INTS6: variants seen among roughly 807,000 people sequenced by gnomAD.
INTS6 encodes the protein integrator complex subunit 6, also known as DEAD box protein.
In INTS6, 16 loss-of-function variants were observed where a neutral mutation model predicts 104.9. The observed-to-expected ratio is 0.15, with a 90% CI of 0.10 to 0.23. The LOEUF is 0.23. Ranked by LOEUF, INTS6 falls within the 10% of genes least tolerant of loss-of-function variation. The probability of loss-of-function intolerance (pLI) is 1.00; values close to 1 mark genes in which losing one functional copy is unlikely to be tolerated. For missense variants in INTS6, 584 were observed against 1,062.8 expected, an observed-to-expected ratio of 0.55 and a Z score of 6.26; for synonymous variants, 324 against 358.7, an observed-to-expected ratio of 0.90 and a Z score of 1.09.
chr13:51,359,468 A>C (rs867839647), downstream of INTS6, among the ~76,000 whole-genome samples: 1 of 152,110 alleles, frequency 6.6e-6, no homozygotes, highest in Non-Finnish European at 1.5e-5. Flanking sequence ...ATAAATGTCA[A>C]TTATTGGACC....
chr13:51,364,351 A>T lies in INTS6; in HGVS notation c.*1401T>A. ...ATAATTTCATTTTGCTATACCCTTG[A>T]AATTTAAAAAAATGTCTGATAAAGT... On this transcript the variant is annotated 3_prime_UTR_variant, in exon 18 of 18. Transcript: ENST00000311234. 1 of 821,578 alleles carries T rather than the reference A, an allele frequency of 1.2e-6. No homozygotes were observed. Among genetic ancestry groups the T allele is most frequent in the Non-Finnish European group, 1.8e-6 (1 of 545,986 alleles). 50.9% of individuals were successfully genotyped at this position (821,578 alleles called of 1,614,324 possible).
At position 51,364,813 on chromosome 13, in the gene INTS6, A is replaced by AT. The variant is rs1955654558; in HGVS notation, c.*938dup. 1.3e-5 allele frequency: 2 copies of AT among 152,336 alleles called. No individual in the cohort carries two copies. The highest frequency in any genetic ancestry group is 4.8e-5 in the African/African-American group (2 of 41,428). 9.4% of individuals were successfully genotyped at this position (152,336 alleles called of 1,614,324 possible). A position where few individuals can be genotyped will look rare whatever the true frequency, so the allele number is the denominator to read the frequency against. On this transcript the variant is annotated 3_prime_UTR_variant, in exon 18 of 18. Transcript: ENST00000311234. ...GGCATGAAGCTGCTAAAGGCTAGATATTTCAGAGCATGTACTGTACTCCAA... is the reference window on the plus strand; with the variant it reads ...GGCATGAAGCTGCTAAAGGCTAGATATTTTCAGAGCATGTACTGTACTCCAA...
chr13:51,360,563 A>G (rs536192022), downstream of INTS6, among the ~76,000 whole-genome samples: 196 of 152,206 alleles, frequency 1.3e-3, 1 homozygote, highest in Middle Eastern at 3.4e-3. Context: ...CAATTCCTCT[A>G]AATTATCACT....
downstream of INTS6, among the ~76,000 whole-genome samples, chr13:51,360,544 A>G (rs1801617713): frequency 1.3e-5 from 2 of 152,226 alleles, no homozygotes; most frequent in Admixed American, 6.6e-5. Context: ...TTAGCTTACA[A>G]AAATCAGCCA....
At position 51,355,844 on chromosome 13, in the gene INTS6, T is replaced by C. The variant is rs180677976; in HGVS notation, n.431-1508A>G. Reference sequence around the variant, plus strand: ...ACTATTGCCAACTCAAAGGCTCAGGTTTGTTTCTACTCTGGATAGTAAATT... The same window carrying C: ...ACTATTGCCAACTCAAAGGCTCAGGCTTGTTTCTACTCTGGATAGTAAATT... On this transcript the variant is annotated intron_variant and non_coding_transcript_variant, in intron 3 of 3. Transcript: ENST00000476666. 1.4e-4 allele frequency among the ~76,000 whole-genome samples: 21 copies of C among 152,296 alleles called. No homozygotes were observed. The East Asian group carries it at 3.9e-3, about 28-fold the overall frequency.
chr13:51,364,533 A>T lies in INTS6; in HGVS notation c.*1219T>A, dbSNP rs1177926059. The T allele has an allele frequency of 8.2e-6, 3 of 365,106 alleles. No individual in the cohort carries two copies. The highest frequency in any genetic ancestry group is 2.1e-5 in the African/African-American group (1 of 47,350). 22.6% of individuals were successfully genotyped at this position (365,106 alleles called of 1,614,324 possible). ...CAAACCACTAAAAGGCACAGCAGTGATCATGAATGGTGAGTGAGTCAGGCC... is the reference window on the plus strand; with the variant it reads ...CAAACCACTAAAAGGCACAGCAGTGTTCATGAATGGTGAGTGAGTCAGGCC... On this transcript the variant is annotated 3_prime_UTR_variant, in exon 18 of 18. Transcript: ENST00000311234.
At chr13:51,394,022 A>C (rs1188318018) in intron 5 of INTS6, among the ~76,000 whole-genome samples, 1 of 151,434 alleles carries the variant, frequency 6.6e-6, no homozygotes, top group Non-Finnish European at 1.5e-5. Flanking sequence ...TAAAATCCCC[A>C]GAGTTTAAAA....
At chr13:51,424,100 T>C (rs1416532259) in intron 4 of INTS6, among the ~76,000 whole-genome samples, 3 of 152,068 alleles carry the variant, frequency 2.0e-5, no homozygotes, top group South Asian at 4.1e-4. Flanking sequence ...AGAGCTAGAA[T>C]TGGATAATAG....
rs1955587407 is a variant in INTS6 at position 51,361,996 on chromosome 13, AG to A, written c.*3755del. The A allele has an allele frequency of 6.2e-7, 1 of 1,610,158 alleles. No individual in the cohort carries two copies. The highest frequency in any genetic ancestry group is 1.3e-5 in the African/African-American group (1 of 74,640). The stretch of plus-strand genomic sequence containing the variant: ...CCCCTCAAAAATAAGCATTCTTTCT[AG>A]CTGTTTTTATGGTGCTTCAGAAGCT... On this transcript the variant is annotated 3_prime_UTR_variant, in exon 18 of 18. Coordinates refer to ENST00000311234, the MANE Select transcript of INTS6 (RefSeq NM_012141.3).
intron 10 of INTS6, among the ~76,000 whole-genome samples, chr13:51,381,067 A>G (rs993582445): frequency 2.0e-5 from 3 of 152,068 alleles, no homozygotes; most frequent in Non-Finnish European, 2.9e-5. Flanking sequence ...TTTTTCCTTG[A>G]CATTATTCCT....
chr13:51,373,085 T>C (rs866980986), intron 15 of INTS6, among the ~76,000 whole-genome samples: 13 of 152,180 alleles, frequency 8.5e-5, no homozygotes, highest in South Asian at 2.1e-4. Flanking sequence ...AACAGATTCT[T>C]TGTCCTGTAG....
intron 5 of INTS6, among the ~76,000 whole-genome samples, chr13:51,393,074 A>ATTTTT (rs368682215): frequency 1.4e-5 from 2 of 139,434 alleles, no homozygotes; most frequent in Non-Finnish European, 3.1e-5. Context: ...AAACAACTAA[A>ATTTTT]TTTTTTTTTT....
downstream of INTS6, among the ~76,000 whole-genome samples, chr13:51,360,044 C>A (rs1955539769): frequency 1.3e-5 from 2 of 152,222 alleles, no homozygotes; most frequent in South Asian, 2.1e-4. Context: ...ATATAGCCAA[C>A]TCCCAACATC....
intron 17 of INTS6, among the ~76,000 whole-genome samples, chr13:51,367,076 C>T (rs187796504): frequency 2.6e-5 from 4 of 152,056 alleles, no homozygotes; most frequent in Admixed American, 1.3e-4. Context: ...CTAAAATCCA[C>T]GAATGCTCAA....
chr13:51,429,785 AATATATATAT>A (rs201277531), intron 4 of INTS6, among the ~76,000 whole-genome samples: 24 of 92,370 alleles, frequency 2.6e-4, no homozygotes, highest in African/African-American at 9.2e-4. Flanking sequence ...AAAAAAAAAA[AATATATATAT>A]ATATATATAT....
At position 51,451,192 on chromosome 13, in the gene INTS6, A is replaced by C. The variant is rs565355183; in HGVS notation, c.190-18T>G. On this transcript the variant is annotated intron_variant, in intron 2 of 17. Coordinates refer to ENST00000311234, the MANE Select transcript of INTS6 (RefSeq NM_012141.3). ...CATCCAGCCTGAAAAGAAAAATGTA[A>C]GATTTTTTTTTTTCATTTTTTAAAG... The C allele has an allele frequency of 6.5e-7, 1 of 1,537,090 alleles. No individual in the cohort carries two copies. Among genetic ancestry groups the C allele is most frequent in the Non-Finnish European group, 8.7e-7 (1 of 1,147,542 alleles).
At chr13:51,412,986 G>A (rs990717703) in intron 4 of INTS6, among the ~76,000 whole-genome samples, 3 of 152,096 alleles carry the variant, frequency 2.0e-5, no homozygotes, top group East Asian at 3.9e-4. Context: ...GCGAAATTTC[G>A]TGATATTTAT....
chr13:51,339,861 T>C, the INTS6 span: 1 of 151,924 alleles, frequency 6.6e-6, no homozygotes, highest in African/African-American at 2.4e-5. Flanking sequence ...TTATAAGAGC[T>C]GTGAGAACCC....
At chr13:51,340,804 T>A in the INTS6 span, 1 of 511,922 alleles carries the variant, frequency 2.0e-6, no homozygotes, top group Admixed American at 3.5e-5. Flanking sequence ...AAGTCACACA[T>A]CCAGTAAGTG....
Sources: gnomAD v4.1 joint callset for allele counts (sites outside exome capture counted in the v4.1 genomes callset) on GRCh38, gnomAD v4.1.1 for gene constraint, MANE v1.5 for transcripts, NCBI Gene and HGNC (gene_info 2026-07-23, HGNC 2026-07-21) for gene names.